The following TMEM131L variants were observed in gnomAD, a reference collection of about 807,000 sequenced individuals.
The protein encoded by TMEM131L is transmembrane protein 131-like.
TMEM131L carries 54 observed loss-of-function variants against 192.2 expected under a neutral mutation model. That is an observed-to-expected ratio of 0.28 (90% CI 0.23 to 0.35). The LOEUF (loss-of-function observed/expected upper bound fraction) is 0.35, where lower values mean the gene tolerates loss of function less well. TMEM131L is among the 10% of genes least tolerant of loss of function. The pLI is 1.00. For synonymous variants in TMEM131L, 701 were observed against 704.9 expected, an observed-to-expected ratio of 0.99 and a Z score of 0.09; for missense variants, 1,888 against 1,972.9, an observed-to-expected ratio of 0.96 and a Z score of 0.82.
chr4:153,496,904 A>T (rs536835252), intron 3 of TMEM131L, among the ~76,000 whole-genome samples: 2 of 151,422 alleles, frequency 1.3e-5, no homozygotes, highest in East Asian at 3.9e-4. Context: ...TATGTGGCCT[A>T]GGCTGGAGTA....
In TMEM131L at chr4:153,603,817, C is replaced by T. The variant is rs749734335; in HGVS notation, c.2805C>T (p.Asn935=). The stretch of plus-strand genomic sequence containing the variant: ...TTAAATTCAGAAGCAATTGCAAGAA[C>T]TTTCTCGATACATATGGCCCCTCTG... ...SPHSYKSNCK[N]FLDTYGPSDK... Residue 935 remains asparagine (N), a synonymous_variant, in exon 25 of 35, where the codon AAC becomes AAT. Transcript: ENST00000409959. 6.3e-7 allele frequency: 1 copy of T among 1,579,710 alleles called. No individual in the cohort carries two copies. The highest frequency in any genetic ancestry group is 2.0e-5 in the Admixed American group (1 of 50,006).
At chr4:153,529,786 T>C (rs1212099221) in intron 3 of TMEM131L, among the ~76,000 whole-genome samples, 3 of 152,204 alleles carry the variant, frequency 2.0e-5, no homozygotes, top group Non-Finnish European at 2.9e-5. Context: ...ACATAACCTG[T>C]GGGAGATTTT....
At chr4:153,622,642 G>T (rs1286427474) in intron 28 of TMEM131L, among the ~76,000 whole-genome samples, 2 of 152,226 alleles carry the variant, frequency 1.3e-5, no homozygotes, top group African/African-American at 4.8e-5. Context: ...ATCATTATTA[G>T]ATCATGCTTA....
In TMEM131L at chr4:153,530,764, C is replaced by T. The variant is rs146035857; in HGVS notation, c.240-19309C>T. Among the ~76,000 whole-genome samples, 88 of 152,198 alleles carry T rather than the reference C, an allele frequency of 5.8e-4. 1 individual carries two copies. The highest frequency in any genetic ancestry group is 1.8e-3 in the African/African-American group (74 of 41,528). On this transcript the variant is annotated intron_variant, in intron 3 of 34. Coordinates refer to ENST00000409959, the MANE Select transcript of TMEM131L (RefSeq NM_001131007.2). ...AGAGGTAGCTCTTAGGTCTTAGGAT[C>T]GCAGCTGAGAGGATGTGGCTGACTC...
Position 153,583,172 on chromosome 4 carries a change from T to A in TMEM131L, c.893-18T>A. ...CTGATTAAATACTCTGCTTTAATAC[T>A]CTGATTCTTTTGGACAGATGATTCA... On this transcript the variant is annotated intron_variant, in intron 9 of 34. Transcript: ENST00000409959. The A allele has an allele frequency of 7.7e-7, 1 of 1,299,006 alleles. No individual in the cohort carries two copies. Among genetic ancestry groups the A allele is most frequent in the Non-Finnish European group, 1.1e-6 (1 of 893,036 alleles). The allele number at this position is 1,299,006 out of a possible 1,614,324, so 80.5% of individuals were successfully genotyped here. A position where few individuals can be genotyped will look rare whatever the true frequency, so the allele number is the denominator to read the frequency against.
At chr4:153,603,061 C>G (rs77943840) in intron 23 of TMEM131L, among the ~76,000 whole-genome samples, 10 of 152,212 alleles carry the variant, frequency 6.6e-5, no homozygotes, top group Non-Finnish European at 1.2e-4. Context: ...TGGAATGACC[C>G]TTTTTGAGTG....
At chr4:153,467,380 G>T in intron 2 of TMEM131L, 99 bp downstream of exon 2, 1 of 1,033,890 alleles carries the variant, frequency 9.7e-7, no homozygotes, top group Non-Finnish European at 1.5e-6. Flanking sequence ...CGGCACAGGC[G>T]TTCGGGCCAC....
intron 7 of TMEM131L, among the ~76,000 whole-genome samples, chr4:153,564,591 C>T (rs1350473666): frequency 6.6e-6 from 1 of 152,022 alleles, no homozygotes; most frequent in Non-Finnish European, 1.5e-5. Flanking sequence ...TTGTTTTGAC[C>T]TTCATGCAGA....
At chr4:153,579,936 C>A (rs1226702666) in intron 7 of TMEM131L, among the ~76,000 whole-genome samples, 1 of 152,120 alleles carries the variant, frequency 6.6e-6, no homozygotes, top group African/African-American at 2.4e-5. Flanking sequence ...AATAGGTACT[C>A]CCTATTAAGC....
chr4:153,616,857 C>G (rs1733008372), intron 26 of TMEM131L, among the ~76,000 whole-genome samples: 1 of 152,070 alleles, frequency 6.6e-6, no homozygotes, highest in Non-Finnish European at 1.5e-5. Context: ...TTAACTGTGC[C>G]ATAATTTAAA....
chr4:153,547,659 A>G (rs1041006258), intron 3 of TMEM131L, among the ~76,000 whole-genome samples: 6 of 152,234 alleles, frequency 3.9e-5, no homozygotes, highest in Admixed American at 3.9e-4. Flanking sequence ...TGATACTCTC[A>G]GGGCTGGAAG....
chr4:153,485,144 A>AT (rs1394173894), intron 3 of TMEM131L, among the ~76,000 whole-genome samples: 2 of 149,876 alleles, frequency 1.3e-5, no homozygotes, highest in Non-Finnish European at 3.0e-5. Context: ...AAAAAAAAAA[A>AT]ATCAGCATTT....
chr4:153,621,915 C>T, intron 28 of TMEM131L, 66 bp downstream of exon 28: 3 of 1,468,944 alleles, frequency 2.0e-6, no homozygotes, highest in Non-Finnish European at 2.8e-6. Flanking sequence ...AATGAAGTAT[C>T]TAATAAGAGA....
chr4:153,606,351 T>G (rs1250545224), intron 25 of TMEM131L, among the ~76,000 whole-genome samples: 1 of 152,214 alleles, frequency 6.6e-6, no homozygotes, highest in Admixed American at 6.5e-5. Context: ...TGTGATCGCT[T>G]GTGCCCACAA....
intron 25 of TMEM131L, among the ~76,000 whole-genome samples, chr4:153,605,686 G>T (rs563846638): frequency 6.6e-6 from 1 of 152,144 alleles, no homozygotes; most frequent in Non-Finnish European, 1.5e-5. Flanking sequence ...TTTTAATCTG[G>T]AAAACTCAGT....
intron 7 of TMEM131L, among the ~76,000 whole-genome samples, chr4:153,575,086 A>T (rs970312044): frequency 6.6e-6 from 1 of 152,228 alleles, no homozygotes; most frequent in Non-Finnish European, 1.5e-5. Flanking sequence ...TTCTGTCTGG[A>T]TTAATATAGA....
At chr4:153,498,664 G>T (rs1449653026) in intron 3 of TMEM131L, among the ~76,000 whole-genome samples, 3 of 152,130 alleles carry the variant, frequency 2.0e-5, no homozygotes, top group Non-Finnish European at 4.4e-5. Flanking sequence ...ATGAGGAGTT[G>T]AGATCCTGTG....
chr4:153,568,775 C>G (rs1259959846), intron 7 of TMEM131L, among the ~76,000 whole-genome samples: 1 of 152,160 alleles, frequency 6.6e-6, no homozygotes, highest in Non-Finnish European at 1.5e-5. Flanking sequence ...CTTAGAGATA[C>G]CTAATAAATA....
chr4:153,520,054 GCA>G (rs1735000629), intron 3 of TMEM131L, among the ~76,000 whole-genome samples: 2 of 152,152 alleles, frequency 1.3e-5, no homozygotes, highest in African/African-American at 4.8e-5. Flanking sequence ...TTCCATATCT[GCA>G]CTGACTTTGG....
Sources: allele counts gnomAD v4.1 joint callset (sites outside exome capture counted in the v4.1 genomes callset), GRCh38; gene constraint gnomAD v4.1.1; transcripts MANE v1.5; gene names NCBI Gene and HGNC (gene_info 2026-07-23, HGNC 2026-07-21).